The following GRM8 variants were observed in gnomAD, a reference collection of about 807,000 sequenced individuals.
The protein encoded by GRM8 is glutamate metabotropic receptor 8.
In GRM8, 47 loss-of-function variants were observed where a neutral mutation model predicts 87.2. The ratio of observed to expected loss-of-function variants is 0.54; its 90% confidence interval spans 0.43 to 0.69. The LOEUF (loss-of-function observed/expected upper bound fraction) is 0.69. GRM8 is among the 30% of genes least tolerant of loss of function. The pLI is 0.00. For missense variants in GRM8, 1,019 were observed against 1,139.2 expected, an observed-to-expected ratio of 0.89 and a Z score of 1.52; for synonymous variants, 396 against 404.5, an observed-to-expected ratio of 0.98 and a Z score of 0.25.
intron 3 of GRM8, among the ~76,000 whole-genome samples, chr7:126,995,147 G>A (rs1161854750): frequency 1.3e-5 from 2 of 152,222 alleles, no homozygotes; most frequent in African/African-American, 2.4e-5. Flanking sequence ...AGACCACCTA[G>A]GTGGTATCTT....
chr7:126,677,360 CAAAA>C (rs35134983), intron 7 of GRM8, among the ~76,000 whole-genome samples: 1 of 115,850 alleles, frequency 8.6e-6, no homozygotes. Context: ...GGCATCCACC[CAAAA>C]AAAAAAAAAA....
intron 9 of GRM8, among the ~76,000 whole-genome samples, chr7:126,527,911 A>G (rs1034897938): frequency 1.3e-5 from 2 of 152,192 alleles, no homozygotes; most frequent in South Asian, 2.1e-4. Context: ...TCTATGTTTA[A>G]GAAAACACTT....
intron 6 of GRM8, among the ~76,000 whole-genome samples, chr7:126,881,085 G>C (rs1293098903): frequency 6.6e-6 from 1 of 152,044 alleles, no homozygotes; most frequent in Admixed American, 6.5e-5. Context: ...AATTATCTTT[G>C]ATATATTTTC....
intron 7 of GRM8, among the ~76,000 whole-genome samples, chr7:126,686,363 A>G (rs1233396092): frequency 6.6e-6 from 1 of 152,172 alleles, no homozygotes; most frequent in African/African-American, 2.4e-5. Context: ...GGGCTGAAAC[A>G]TGCCCCTTGC....
At chr7:126,708,394 G>A (rs564003895) in intron 7 of GRM8, among the ~76,000 whole-genome samples, 22 of 152,118 alleles carry the variant, frequency 1.4e-4, no homozygotes, top group African/African-American at 5.1e-4. Flanking sequence ...CCAAAGGAAT[G>A]AAATCAGTTT....
chr7:126,987,604 G>A (rs970178208), intron 3 of GRM8, among the ~76,000 whole-genome samples: 4 of 152,068 alleles, frequency 2.6e-5, no homozygotes, highest in African/African-American at 7.2e-5. Flanking sequence ...GGGAGTATAG[G>A]TGCCTGCCAC....
At chr7:126,526,453 T>C (rs1312232763) in intron 9 of GRM8, among the ~76,000 whole-genome samples, 1 of 152,204 alleles carries the variant, frequency 6.6e-6, no homozygotes, top group Admixed American at 6.5e-5. Context: ...TCCAGTGGTC[T>C]AGTTGCATAA....
At chr7:126,894,724 T>G (rs1801381408) in intron 6 of GRM8, among the ~76,000 whole-genome samples, 1 of 151,888 alleles carries the variant, frequency 6.6e-6, no homozygotes, top group Admixed American at 6.6e-5. Context: ...AATGGGTCAG[T>G]GCAACTCAGC....
intron 3 of GRM8, among the ~76,000 whole-genome samples, chr7:127,063,974 C>T (rs2132615754): frequency 6.6e-6 from 1 of 152,202 alleles, no homozygotes. Flanking sequence ...TTTTATTGTG[C>T]TATTGTCTGA....
At chr7:126,895,592 T>A (rs1239360858) in intron 6 of GRM8, among the ~76,000 whole-genome samples, 3 of 152,140 alleles carry the variant, frequency 2.0e-5, no homozygotes, top group African/African-American at 7.2e-5. Context: ...AATGAATAAA[T>A]GAGTAAACTA....
chr7:126,853,541 C>T (rs1247483930), intron 6 of GRM8, among the ~76,000 whole-genome samples: 3 of 152,026 alleles, frequency 2.0e-5, no homozygotes, highest in African/African-American at 4.8e-5. Context: ...TGAACCAAGT[C>T]GTTTTATGCA....
chr7:126,766,034 T>A (rs2151592526), intron 7 of GRM8, among the ~76,000 whole-genome samples: 1 of 152,270 alleles, frequency 6.6e-6, no homozygotes, highest in South Asian at 2.1e-4. Flanking sequence ...AGTTAGTTAT[T>A]TTTTAATGAA....
At chr7:127,218,126 C>A (rs1383748777) in intron 2 of GRM8, among the ~76,000 whole-genome samples, 1 of 152,234 alleles carries the variant, frequency 6.6e-6, no homozygotes, top group Non-Finnish European at 1.5e-5. Flanking sequence ...AGAACCACTA[C>A]CTCTTAGCTT....
At chr7:126,494,990 CA>C (rs1808525866) in intron 9 of GRM8, among the ~76,000 whole-genome samples, 1 of 151,804 alleles carries the variant, frequency 6.6e-6, no homozygotes, top group South Asian at 2.1e-4. Flanking sequence ...TTTATAATAC[CA>C]AAAACATTAA....
chr7:126,580,503 A>T (rs1273545690), intron 8 of GRM8, among the ~76,000 whole-genome samples: 2 of 152,130 alleles, frequency 1.3e-5, no homozygotes, highest in African/African-American at 4.8e-5. Flanking sequence ...CTTAAGATTG[A>T]TCATGAGCTC....
At chr7:126,817,956 T>C (rs1793943836) in intron 6 of GRM8, among the ~76,000 whole-genome samples, 1 of 151,910 alleles carries the variant, frequency 6.6e-6, no homozygotes, top group Admixed American at 6.6e-5. Flanking sequence ...CAAAAATTTT[T>C]GCAAGCCTTA....
At chr7:126,588,925 T>A (rs1440095952) in intron 8 of GRM8, among the ~76,000 whole-genome samples, 1 of 151,966 alleles carries the variant, frequency 6.6e-6, no homozygotes, top group Non-Finnish European at 1.5e-5. Context: ...GAGAGCCAAG[T>A]GAAATACAGG....
At chr7:126,503,587 CA>C (rs1000743911) in intron 9 of GRM8, among the ~76,000 whole-genome samples, 1 of 151,544 alleles carries the variant, frequency 6.6e-6, no homozygotes, top group Non-Finnish European at 1.5e-5. Context: ...GGCATATTTA[CA>C]AAAAAAGGTT....
chr7:126,770,180 T>C, intron 6 of GRM8, 115 bp from the exon 7 acceptor site: 1 of 679,756 alleles, frequency 1.5e-6, no homozygotes, highest in Non-Finnish European at 2.5e-6. Context: ...ACTATTTGAT[T>C]TCACTTCTGA....
Sources: gnomAD v4.1 joint callset for allele counts (sites outside exome capture counted in the v4.1 genomes callset) on GRCh38, gnomAD v4.1.1 for gene constraint, MANE v1.5 for transcripts, NCBI Gene and HGNC (gene_info 2026-07-23, HGNC 2026-07-21) for gene names.